The following PTK2B variants were observed in gnomAD, a reference collection of about 807,000 sequenced individuals.
The protein encoded by PTK2B is protein tyrosine kinase 2 beta.
A neutral mutation model predicts 142.9 loss-of-function variants in PTK2B; 71 were observed. That is an observed-to-expected ratio of 0.50 (90% CI 0.41 to 0.61). The LOEUF (loss-of-function observed/expected upper bound fraction) is 0.61, where lower values mean the gene tolerates loss of function less well. Among genes scored for constraint, PTK2B ranks in the 20% least tolerant of loss-of-function variants. The pLI, the probability that PTK2B is intolerant of heterozygous loss-of-function variation, is 0.00. For missense variants in PTK2B, 1,105 were observed against 1,320.4 expected (o/e 0.84, Z 2.53); for synonymous variants, 519 against 503.4 (o/e 1.03, Z -0.42).
chr8:27,352,554 T>C (rs1472647208), intron 1 of PTK2B, among the ~76,000 whole-genome samples: 1 of 152,224 alleles, frequency 6.6e-6, no homozygotes, highest in Admixed American at 6.5e-5. Flanking sequence ...CTTTCACTTA[T>C]TTGGATACAC....
chr8:27,447,206 C>G (rs2132371613), intron 24 of PTK2B, among the ~76,000 whole-genome samples: 1 of 152,300 alleles, frequency 6.6e-6, no homozygotes, highest in East Asian at 1.9e-4. Context: ...GAAAAAAGAC[C>G]TTTTGTATCA....
At chr8:27,444,087 C>A in intron 22 of PTK2B, 119 bp from the exon 23 acceptor site, 1 of 1,025,078 alleles carries the variant, frequency 9.8e-7, no homozygotes, top group Non-Finnish European at 1.5e-6. Context: ...CAGCTTTGTC[C>A]CTCAACTTTC....
At chr8:27,431,153 C>T in intron 8 of PTK2B, 137 bp downstream of exon 8, 9 of 1,479,784 alleles carry the variant, frequency 6.1e-6, no homozygotes, top group African/African-American at 4.2e-5. Flanking sequence ...GACCTGCCGT[C>T]GGTGGAAGTC....
chr8:27,376,314 C>T (rs1806667793), intron 1 of PTK2B, among the ~76,000 whole-genome samples: 1 of 152,242 alleles, frequency 6.6e-6, no homozygotes, highest in Non-Finnish European at 1.5e-5. Flanking sequence ...TTCTGGTGAT[C>T]ATCACTGGTG....
intron 1 of PTK2B, among the ~76,000 whole-genome samples, chr8:27,327,296 G>A (rs939194401): frequency 6.6e-6 from 1 of 152,168 alleles, no homozygotes; most frequent in African/African-American, 2.4e-5. Flanking sequence ...TTCTGTTGGA[G>A]CAACACTTGG....
intron 2 of PTK2B, among the ~76,000 whole-genome samples, chr8:27,413,052 C>T (rs1383881506): frequency 1.4e-5 from 2 of 145,654 alleles, no homozygotes; most frequent in African/African-American, 2.5e-5. Flanking sequence ...AAAAAAAAAA[C>T]AAGGCTAAGG....
intron 1 of PTK2B, among the ~76,000 whole-genome samples, chr8:27,369,946 C>T (rs1433146580): frequency 2.0e-5 from 3 of 152,194 alleles, no homozygotes; most frequent in Non-Finnish European, 4.4e-5. Context: ...CACTGCACTC[C>T]AGCCTGGGTG....
At chr8:27,345,284 T>A (rs1804648515) in intron 1 of PTK2B, among the ~76,000 whole-genome samples, 1 of 152,256 alleles carries the variant, frequency 6.6e-6, no homozygotes, top group South Asian at 2.1e-4. Context: ...CCACCCCAGC[T>A]TCCTCGGGCC....
At position 27,360,900 on chromosome 8, in the gene PTK2B, G is replaced by A. The variant is rs367877784; in HGVS notation, c.-38+35219G>A. Reference sequence around the variant, plus strand: ...AATTATTCTCGAAATAAAACGTGTCGGTCTTTCGAAATGGTCAGTGGGGTG... The same window carrying A: ...AATTATTCTCGAAATAAAACGTGTCAGTCTTTCGAAATGGTCAGTGGGGTG... On this transcript the variant is annotated intron_variant, in intron 1 of 30. Coordinates refer to ENST00000346049, the MANE Select transcript of PTK2B (RefSeq NM_173176.3). 3.9e-5 allele frequency among the ~76,000 whole-genome samples: 6 copies of A among 152,186 alleles called. 1 individual carries two copies. In the East Asian group the frequency reaches 5.8e-4, roughly 15 times the overall value.
At position 27,442,932 on chromosome 8, in the gene PTK2B, C is replaced by T; in HGVS notation, c.2097C>T (p.Tyr699=). Residue 699 remains tyrosine (Y), a synonymous_variant, in exon 22 of 31, where the codon TAC becomes TAT. Coordinates refer to ENST00000346049, the MANE Select transcript of PTK2B (RefSeq NM_173176.3). Reference sequence around the variant, plus strand: ...TGGAGCAAGAGAGGAATGCTCGCTACCGAACCCCCAAAATCTTGGAGCCCA... The same window carrying T: ...TGGAGCAAGAGAGGAATGCTCGCTATCGAACCCCCAAAATCTTGGAGCCCA... ...IAMEQERNAR[Y]RTPKILEPTA... is the part of the protein sequence containing the mutation. 3 of 1,614,192 alleles carry T rather than the reference C, an allele frequency of 1.9e-6. No homozygotes were observed. Among genetic ancestry groups the T allele is most frequent in the Non-Finnish European group, 2.5e-6 (3 of 1,180,022 alleles).
intron 3 of PTK2B, among the ~76,000 whole-genome samples, chr8:27,319,214 C>T (rs2130585579): frequency 6.6e-6 from 1 of 152,150 alleles, no homozygotes; most frequent in South Asian, 2.1e-4. Context: ...CCCCCACATA[C>T]CCATCATTCA....
At chr8:27,371,152 C>T (rs1806333315) in intron 1 of PTK2B, among the ~76,000 whole-genome samples, 1 of 152,220 alleles carries the variant, frequency 6.6e-6, no homozygotes, top group Non-Finnish European at 1.5e-5. Context: ...GCCTCAGCCT[C>T]CCAAACGCTG....
At chr8:27,399,523 C>A (rs1268527437) in intron 2 of PTK2B, among the ~76,000 whole-genome samples, 1 of 152,150 alleles carries the variant, frequency 6.6e-6, no homozygotes, top group Non-Finnish European at 1.5e-5. Context: ...CACTAGGGAA[C>A]AACACATATT....
intron 5 of PTK2B, among the ~76,000 whole-genome samples, chr8:27,428,794 G>T (rs1410846010): frequency 6.6e-6 from 1 of 152,104 alleles, no homozygotes; most frequent in Non-Finnish European, 1.5e-5. Context: ...TTCTTAAGAG[G>T]TAATTACTTA....
chr8:27,389,115 G>A (rs2131277916), intron 1 of PTK2B, among the ~76,000 whole-genome samples: 1 of 152,256 alleles, frequency 6.6e-6, no homozygotes, highest in Non-Finnish European at 1.5e-5. Context: ...GGCTGTGGCT[G>A]TTTTTGTGTG....
chr8:27,437,020 T>G, intron 15 of PTK2B, 102 bp from the exon 16 acceptor site: 1 of 1,128,008 alleles, frequency 8.9e-7, no homozygotes, highest in Non-Finnish European at 1.3e-6. Context: ...AAGGGCCCTT[T>G]CCTGGCAGCA....
At chr8:27,434,488 G>T in intron 12 of PTK2B, 25 bp from the exon 13 acceptor site, 1 of 1,604,904 alleles carries the variant, frequency 6.2e-7, no homozygotes, top group Admixed American at 1.7e-5. Flanking sequence ...AGCTCACCTG[G>T]CTTCTGCTCT....
intron 12 of PTK2B, 34 bp downstream of exon 12, chr8:27,434,166 G>A (rs1481231102): frequency 6.2e-6 from 10 of 1,608,056 alleles, no homozygotes; most frequent in Non-Finnish European, 8.5e-6. Flanking sequence ...ACAGGGCCCT[G>A]AGCTCAGCCT....
intron 30 of PTK2B, among the ~76,000 whole-genome samples, chr8:27,454,963 T>C (rs1039252152): frequency 7.2e-5 from 11 of 152,212 alleles, no homozygotes; most frequent in Admixed American, 3.9e-4. Flanking sequence ...CATAGAAATA[T>C]CACTTAAGGT....
Sources: gnomAD v4.1 joint callset for allele counts (sites outside exome capture counted in the v4.1 genomes callset) on GRCh38, gnomAD v4.1.1 for gene constraint, MANE v1.5 for transcripts, NCBI Gene and HGNC (gene_info 2026-07-23, HGNC 2026-07-21) for gene names.